COL4A4: variants seen among roughly 807,000 people sequenced by gnomAD.
COL4A4 encodes collagen alpha-4(IV) chain.
COL4A4 carries 105 observed loss-of-function variants against 192.9 expected under a neutral mutation model. The observed-to-expected ratio is 0.54, with a 90% CI of 0.46 to 0.64. The LOEUF is 0.64. Among genes scored for constraint, COL4A4 ranks in the 30% least tolerant of loss-of-function variants. The pLI, the probability that COL4A4 is intolerant of heterozygous loss-of-function variation, is 0.00. For missense variants in COL4A4, 1,967 were observed against 2,169.3 expected, an observed-to-expected ratio of 0.91 and a Z score of 1.85; for synonymous variants, 762 against 769.9, an observed-to-expected ratio of 0.99 and a Z score of 0.17.
rs764494474 is a variant in COL4A4 at position 227,012,241 on chromosome 2, A to G, written c.4273T>C (p.Ser1425Pro). 2.9e-5 allele frequency: 46 copies of G among 1,613,856 alleles called. No individual in the cohort carries two copies. Among genetic ancestry groups the G allele is most frequent in the Non-Finnish European group, 3.6e-5 (43 of 1,179,980 alleles). Reference protein sequence around the residue: ...GRRGVDGVPGSPGPPGRKGDT... With the variant: ...GRRGVDGVPGPPGPPGRKGDT... ...CCTTTACGTCCGGGAGGCCCAGGAG[A>G]CCCAGGGACGCCATCCACACCCCTC... The change falls in exon 45 of 48, where the codon TCT becomes CCT. Residue 1425 changes from serine (S) to proline (P), a missense_variant. Ser to Pro is a moderately conservative substitution (Grantham distance 74). Transcript: ENST00000396625.
chr2:227,159,411 G>A (rs1215313987), intron 1 of COL4A4, among the ~76,000 whole-genome samples: 2 of 152,180 alleles, frequency 1.3e-5, no homozygotes, highest in Non-Finnish European at 2.9e-5. Flanking sequence ...GGTTTCATAG[G>A]GTGGATGCAT....
At chr2:227,071,409 A>G (rs2058715344) in intron 25 of COL4A4, among the ~76,000 whole-genome samples, 1 of 152,168 alleles carries the variant, frequency 6.6e-6, no homozygotes, top group Non-Finnish European at 1.5e-5. Context: ...AACAATTACT[A>G]CTAGACCTAA....
intron 22 of COL4A4, among the ~76,000 whole-genome samples, chr2:227,082,471 A>G (rs1382544050): frequency 2.6e-5 from 4 of 152,236 alleles, no homozygotes; most frequent in South Asian, 2.1e-4. Context: ...TTGACAGTGT[A>G]CTGTGGTTAT....
chr2:227,150,518 A>C (rs1259421203), intron 1 of COL4A4, among the ~76,000 whole-genome samples: 1 of 152,114 alleles, frequency 6.6e-6, no homozygotes, highest in Admixed American at 6.6e-5. Flanking sequence ...TTATAATAAA[A>C]ATTTTTTAAC....
the COL4A4 span, among the ~76,000 whole-genome samples, chr2:226,985,771 G>A: frequency 6.6e-6 from 1 of 152,230 alleles, no homozygotes; most frequent in Non-Finnish European, 1.5e-5. Flanking sequence ...GGAATGAGGG[G>A]TGCAGAACCC....
intron 22 of COL4A4, among the ~76,000 whole-genome samples, chr2:227,085,684 C>T (rs1244302373): frequency 1.3e-5 from 2 of 152,162 alleles, no homozygotes; most frequent in African/African-American, 4.8e-5. Context: ...ACAACCAGAT[C>T]TCCTGTGAAC....
the COL4A4 span, among the ~76,000 whole-genome samples, chr2:226,989,528 T>G: frequency 6.6e-6 from 1 of 152,174 alleles, no homozygotes; most frequent in Non-Finnish European, 1.5e-5. Context: ...CACTTCAAGG[T>G]GTAGGGGTAG....
At chr2:227,068,227 T>C (rs1255054646) in intron 25 of COL4A4, among the ~76,000 whole-genome samples, 1 of 151,872 alleles carries the variant, frequency 6.6e-6, no homozygotes, top group Non-Finnish European at 1.5e-5. Context: ...CAATAATCAA[T>C]AGCTTACCAA....
At position 227,033,439 on chromosome 2, in the gene COL4A4, T is replaced by C. The variant is rs374638599; in HGVS notation, c.3548A>G (p.Lys1183Arg). ...AGCACCTTTAGTTCCTTTCTGACCT[T>C]TCAATCCATGCAAGCCGTTCAGGCC... The part of the protein sequence containing the change: ...SPGLNGLHGL[K>R]GQKGTKGASG... The change falls in exon 38 of 48, where the codon AAA (lysine) becomes AGA (arginine). Residue 1183 changes from lysine (K) to arginine (R), a missense_variant. Transcript: ENST00000396625. 1 of 1,613,718 alleles carries C rather than the reference T, an allele frequency of 6.2e-7. No individual in the cohort carries two copies. Among genetic ancestry groups the C allele is most frequent in the Non-Finnish European group, 8.5e-7 (1 of 1,179,998 alleles).
At position 227,059,643 on chromosome 2, in the gene COL4A4, A is replaced by G. The variant is rs1280499619; in HGVS notation, c.2165-20T>C. 2 of 1,586,938 alleles carry G rather than the reference A, an allele frequency of 1.3e-6. No homozygotes were observed. The highest frequency in any genetic ancestry group is 1.7e-5 in the Admixed American group (1 of 59,968). On this transcript the variant is annotated intron_variant, in intron 27 of 47. Coordinates refer to ENST00000396625, the MANE Select transcript of COL4A4 (RefSeq NM_000092.5). Reference sequence around the variant, plus strand: ...GAAAACCTATTTAACAACAAAAAAAAATTTTTAATGATAACATGTGCAAGT... The same window carrying G: ...GAAAACCTATTTAACAACAAAAAAAGATTTTTAATGATAACATGTGCAAGT...
chr2:227,045,955 ATATG>A (rs1972643670), intron 35 of COL4A4, among the ~76,000 whole-genome samples: 1 of 93,718 alleles, frequency 1.1e-5, no homozygotes, highest in East Asian at 2.7e-4. Flanking sequence ...ATATATGTAT[ATATG>A]TATATATTTA....
chr2:226,982,980 T>C, the COL4A4 span, among the ~76,000 whole-genome samples: 1 of 152,172 alleles, frequency 6.6e-6, no homozygotes, highest in Non-Finnish European at 1.5e-5. Context: ...TCATCCAAGG[T>C]TGAGCATAGC....
At chr2:227,117,740 G>GA (rs555970760) in intron 7 of COL4A4, among the ~76,000 whole-genome samples, 7 of 151,604 alleles carry the variant, frequency 4.6e-5, no homozygotes, top group Non-Finnish European at 1.0e-4. Flanking sequence ...GAAAGAAAGG[G>GA]AATATGGGGG....
chr2:227,007,958 G>A, intron 47 of COL4A4, 60 bp downstream of exon 47: 10 of 1,575,662 alleles, frequency 6.3e-6, no homozygotes, highest in Non-Finnish European at 8.6e-6. Context: ...GAGAGAAATG[G>A]CGGGAGAAGG....
At chr2:227,051,223 G>A (rs924246061) in intron 32 of COL4A4, 65 bp from the exon 33 acceptor site, 5 of 1,531,804 alleles carry the variant, frequency 3.3e-6, no homozygotes, top group Non-Finnish European at 4.5e-6. Context: ...GTTAAGCTGA[G>A]GGACCTGGTC....
the COL4A4 span, among the ~76,000 whole-genome samples, chr2:226,973,909 G>A: frequency 6.6e-6 from 1 of 152,200 alleles, no homozygotes; most frequent in Non-Finnish European, 1.5e-5. Flanking sequence ...GCCCACCCCT[G>A]AGAATCTCCT....
chr2:226,997,834 T>C (rs1959835500), downstream of COL4A4: 2 of 152,246 alleles, frequency 1.3e-5, no homozygotes, highest in Admixed American at 6.5e-5. Context: ...AAAGATGTTC[T>C]GGAAATTATT....
rs776136647 is a variant in COL4A4 at position 227,022,181 on chromosome 2, T to C, written c.4091-8A>G. 6.2e-7 allele frequency: 1 copy of C among 1,614,060 alleles called. No homozygotes were observed. The highest frequency in any genetic ancestry group is 1.1e-5 in the South Asian group (1 of 91,080). ...CAGGTGGCCCCGGTTCACCTGAAAT[T>C]GGAATCACCGCTTGTGTAATGGATG... On this transcript the variant is annotated splice_region_variant and splice_polypyrimidine_tract_variant and intron_variant, in intron 43 of 47. Transcript: ENST00000396625.
intron 20 of COL4A4, among the ~76,000 whole-genome samples, chr2:227,090,208 A>G (rs2059839353): frequency 6.6e-6 from 1 of 152,132 alleles, no homozygotes; most frequent in African/African-American, 2.4e-5. Flanking sequence ...TCTCAGCCCT[A>G]CCTTAAATTA....
Sources: allele counts gnomAD v4.1 joint callset (sites outside exome capture counted in the v4.1 genomes callset), GRCh38; gene constraint gnomAD v4.1.1; transcripts MANE v1.5; gene names NCBI Gene and HGNC (gene_info 2026-07-23, HGNC 2026-07-21).